WIF1: variants seen among roughly 807,000 people sequenced by gnomAD.
WIF1 encodes the protein Wnt inhibitory factor 1.
A neutral mutation model predicts 53.5 loss-of-function variants in WIF1; 35 were observed. That is an observed-to-expected ratio of 0.65 (90% confidence interval 0.50 to 0.87). The LOEUF (loss-of-function observed/expected upper bound fraction) is 0.87, where lower values mean the gene tolerates loss of function less well. Among genes scored for constraint, WIF1 ranks in the 40% least tolerant of loss-of-function variants. The pLI, the probability that WIF1 is intolerant of heterozygous loss-of-function variation, is 0.00. For synonymous variants in WIF1, 171 were observed against 170.4 expected (o/e 1.00, Z -0.03); for missense variants, 467 against 476.8 (o/e 0.98, Z 0.19).
intron 2 of WIF1, chr12:65,083,664 G>A (rs565235596): frequency 2.9e-5 from 8 of 277,080 alleles, no homozygotes; most frequent in Admixed American, 9.4e-5. Context: ...TGCCATCTGC[G>A]TCATGCCCAT....
intron 3 of WIF1, among the ~76,000 whole-genome samples, chr12:65,070,654 G>A (rs1312107370): frequency 1.3e-5 from 2 of 152,172 alleles, no homozygotes; most frequent in African/African-American, 2.4e-5. Flanking sequence ...CTCACTGGAC[G>A]CCATCATCCA....
At chr12:65,057,761 A>T (rs1882551288) in intron 7 of WIF1, among the ~76,000 whole-genome samples, 1 of 152,208 alleles carries the variant, frequency 6.6e-6, no homozygotes, top group African/African-American at 2.4e-5. Context: ...TTGCCAAAGA[A>T]AGCTGCGAAA....
chr12:65,067,710 G>T lies in WIF1; in HGVS notation c.619C>A (p.Pro207Thr). The T allele has an allele frequency of 6.2e-7, 1 of 1,613,218 alleles. No individual in the cohort carries two copies. Among genetic ancestry groups the T allele is most frequent in the Non-Finnish European group, 8.5e-7 (1 of 1,179,376 alleles). ...ICECPDGFHG[P>T]HCEKALCTPR... is the part of the protein sequence containing the mutation. ...CATGTCTTACCTTTCTCACAGTGAG[G>T]TCCGTGGAACCCATCAGGACACTCG... Residue 207 changes from proline to threonine, a missense_variant, in exon 5 of 10, where the codon CCT becomes ACT. Pro to Thr is a conservative substitution (Grantham distance 38). Transcript: ENST00000286574.
intron 2 of WIF1, among the ~76,000 whole-genome samples, chr12:65,083,389 C>A (rs1203256277): frequency 2.0e-5 from 3 of 152,152 alleles, no homozygotes; most frequent in African/African-American, 7.2e-5. Context: ...CCTCAGAATT[C>A]TTCTTGTTAC....
intron 2 of WIF1, among the ~76,000 whole-genome samples, chr12:65,098,718 T>G (rs944967298): frequency 1.3e-5 from 2 of 152,224 alleles, no homozygotes; most frequent in Middle Eastern, 3.4e-3. Context: ...CCATACTCCA[T>G]TCTAGAGAAA....
At chr12:65,069,941 C>T (rs1374088267) in intron 3 of WIF1, among the ~76,000 whole-genome samples, 2 of 152,156 alleles carry the variant, frequency 1.3e-5, no homozygotes, top group South Asian at 4.1e-4. Flanking sequence ...AGAAATATTG[C>T]TAATGGGTAT....
chr12:65,085,797 C>T (rs1031510185), intron 2 of WIF1, among the ~76,000 whole-genome samples: 3 of 152,174 alleles, frequency 2.0e-5, no homozygotes, highest in African/African-American at 4.8e-5. Context: ...CAAATAAACA[C>T]ATCCAGGACT....
chr12:65,089,776 C>G lies in WIF1; in HGVS notation c.289-11922G>C, dbSNP rs1025386164. 1.6e-4 allele frequency among the ~76,000 whole-genome samples: 25 copies of G among 152,112 alleles called. 1 individual carries two copies. Among genetic ancestry groups the G allele is most frequent in the Non-Finnish European group, 1.5e-5 (1 of 68,024 alleles). On this transcript the variant is annotated intron_variant, in intron 2 of 9. Coordinates refer to ENST00000286574, the MANE Select transcript of WIF1 (RefSeq NM_007191.5). ...AATGTCATCTCTTCAGTTAAACTGC[C>G]CTTGCTACAGATGCTTCTTTCCTGT...
intron 2 of WIF1, among the ~76,000 whole-genome samples, chr12:65,080,026 C>T (rs1179089508): frequency 6.6e-6 from 1 of 152,096 alleles, no homozygotes; most frequent in Non-Finnish European, 1.5e-5. Flanking sequence ...GACATTCAAA[C>T]AATTTGCTGC....
chr12:65,121,278 G>C lies in WIF1; in HGVS notation c.-87C>G. 1 of 1,336,558 alleles carries C rather than the reference G, an allele frequency of 7.5e-7. No individual in the cohort carries two copies. The highest frequency in any genetic ancestry group is 9.6e-7 in the Non-Finnish European group (1 of 1,038,936). The allele number at this position is 1,336,558 out of a possible 1,614,324, so 82.8% of individuals were successfully genotyped here. ...CCGTCAGATACTCTGCTGCGCTGCA[G>C]CTCCCTCAGCCAGGGCTGTTCCCGT... On this transcript the variant is annotated 5_prime_UTR_variant, in exon 1 of 10. Transcript: ENST00000286574.
intron 2 of WIF1, 59 bp downstream of exon 2, chr12:65,120,358 C>G: frequency 6.4e-7 from 1 of 1,565,028 alleles, no homozygotes; most frequent in Non-Finnish European, 8.7e-7. Context: ...CTATACAGTA[C>G]TATTTCCACC....
intron 2 of WIF1, among the ~76,000 whole-genome samples, chr12:65,119,269 A>T (rs887141866): frequency 6.6e-6 from 1 of 152,204 alleles, no homozygotes; most frequent in Admixed American, 6.5e-5. Context: ...TATCTGCAAA[A>T]TGGGGGTATT....
chr12:65,075,211 ACT>A (rs965295745), intron 3 of WIF1, among the ~76,000 whole-genome samples: 4 of 152,066 alleles, frequency 2.6e-5, no homozygotes, highest in African/African-American at 9.7e-5. Context: ...AATTAGAGAA[ACT>A]CTGTGTTTAT....
chr12:65,059,621 C>T (rs1010341038), intron 7 of WIF1, among the ~76,000 whole-genome samples: 1 of 151,782 alleles, frequency 6.6e-6, no homozygotes, highest in Non-Finnish European at 1.5e-5. Context: ...ACAATCAACT[C>T]GGAATAAAGT....
intron 2 of WIF1, among the ~76,000 whole-genome samples, chr12:65,101,780 T>A (rs558033156): frequency 1.3e-5 from 2 of 152,218 alleles, no homozygotes; most frequent in Non-Finnish European, 2.9e-5. Context: ...AGATAGCTGG[T>A]GTGGGAGCTG....
At chr12:65,117,365 C>A (rs1052096667) in intron 2 of WIF1, among the ~76,000 whole-genome samples, 3 of 152,164 alleles carry the variant, frequency 2.0e-5, no homozygotes, top group African/African-American at 7.2e-5. Context: ...TTTAAAAGAT[C>A]TGACGAAGTT....
chr12:65,085,236 T>A (rs1883016718), intron 2 of WIF1, among the ~76,000 whole-genome samples: 1 of 152,176 alleles, frequency 6.6e-6, no homozygotes, highest in Non-Finnish European at 1.5e-5. Flanking sequence ...TGTTTTGGAT[T>A]TTAGATTTTT....
chr12:65,062,733 C>A (rs1882632563), intron 6 of WIF1, among the ~76,000 whole-genome samples, 157 bp from the exon 7 acceptor site: 1 of 152,048 alleles, frequency 6.6e-6, no homozygotes. Context: ...AAAATTTGTA[C>A]CAATTGCTTG....
intron 2 of WIF1, among the ~76,000 whole-genome samples, chr12:65,111,122 G>A (rs1298910207): frequency 1.3e-5 from 2 of 152,214 alleles, no homozygotes; most frequent in Non-Finnish European, 1.5e-5. Flanking sequence ...GTGAAGCAGA[G>A]CAGAGAAAAT....
Sources: gnomAD v4.1 joint callset for allele counts (sites outside exome capture counted in the v4.1 genomes callset) on GRCh38, gnomAD v4.1.1 for gene constraint, MANE v1.5 for transcripts, NCBI Gene and HGNC (gene_info 2026-07-23, HGNC 2026-07-21) for gene names.